Variants in SNX29 observed in about 807,000 individuals in gnomAD.
SNX29 encodes sorting nexin 29.
Under a neutral mutation model 102.1 loss-of-function variants are expected in SNX29, and 78 were observed. The observed-to-expected ratio is 0.76, with a 90% confidence interval of 0.64 to 0.92. The LOEUF (loss-of-function observed/expected upper bound fraction) is 0.92, where lower values mean the gene tolerates loss of function less well. Ranked by LOEUF, SNX29 falls within the 40% of genes least tolerant of loss-of-function variation. The pLI is 0.00. For synonymous variants in SNX29, 580 were observed against 414.5 expected, an observed-to-expected ratio of 1.40 and a Z score of -4.85; for missense variants, 1,280 against 1,061.7, an observed-to-expected ratio of 1.21 and a Z score of -2.86.
chr16:12,025,572 G>A (rs751039894), intron 3 of SNX29, among the ~76,000 whole-genome samples: 1 of 152,190 alleles, frequency 6.6e-6, no homozygotes, highest in South Asian at 2.1e-4. Context: ...TGGTTGAGGG[G>A]AAGTATTAGA....
At chr16:12,146,299 C>T (rs973625455) in intron 13 of SNX29, among the ~76,000 whole-genome samples, 1 of 151,746 alleles carries the variant, frequency 6.6e-6, no homozygotes, top group Non-Finnish European at 1.5e-5. Flanking sequence ...AGAGTGTTTC[C>T]CTCTTGCCCA....
intron 1 of SNX29, among the ~76,000 whole-genome samples, chr16:11,992,723 A>T (rs1298156008): frequency 6.6e-6 from 1 of 152,188 alleles, no homozygotes; most frequent in East Asian, 1.9e-4. Flanking sequence ...AATTCCTCGC[A>T]CACAGTGGGC....
rs535671102 is a variant in SNX29, at chr16:12,466,499, T to C, written c.2038-11220T>C. On this transcript the variant is annotated intron_variant, in intron 18 of 20. Coordinates refer to ENST00000566228, the MANE Select transcript of SNX29 (RefSeq NM_032167.5). ...CAGCAGGGGGACAACTTTTAGTGGC[T>C]ACTACCAGATGAACCTGCCGTCAGA... Among the ~76,000 whole-genome samples the C allele has an allele frequency of 3.9e-5, 6 of 152,348 alleles. No individual in the cohort carries two copies. In the South Asian group the frequency reaches 1.2e-3, roughly 32 times the overall value.
intron 14 of SNX29, among the ~76,000 whole-genome samples, chr16:12,252,814 C>T (rs2078460602): frequency 6.6e-6 from 1 of 152,236 alleles, no homozygotes; most frequent in Admixed American, 6.5e-5. Context: ...GGGCCGCCAG[C>T]TGTGTCTCCA....
chr16:12,059,157 A>AGGCC (rs1156485430), intron 8 of SNX29, among the ~76,000 whole-genome samples: 2 of 152,042 alleles, frequency 1.3e-5, no homozygotes, highest in African/African-American at 4.8e-5. Flanking sequence ...GCCTGGCTTC[A>AGGCC]CCTTGTACTT....
chr16:12,231,908 T>A (rs2077781781), intron 14 of SNX29, among the ~76,000 whole-genome samples: 1 of 152,236 alleles, frequency 6.6e-6, no homozygotes, highest in South Asian at 2.1e-4. Flanking sequence ...TTGAATTTCT[T>A]TTTGGTGAAT....
At chr16:12,515,583 G>A in intron 19 of SNX29, 1 of 490,798 alleles carries the variant, frequency 2.0e-6, no homozygotes, top group Non-Finnish European at 4.0e-6. Flanking sequence ...TGCCTCCTCT[G>A]AATCTTCAGG....
At chr16:12,193,432 G>A (rs1246254224) in intron 13 of SNX29, among the ~76,000 whole-genome samples, 1 of 143,682 alleles carries the variant, frequency 7.0e-6, no homozygotes, top group Non-Finnish European at 1.5e-5. Context: ...TCGCACCACT[G>A]CACTCCAGCC....
intron 20 of SNX29, among the ~76,000 whole-genome samples, chr16:12,554,675 T>TGCC (rs1390100074): frequency 3.9e-5 from 6 of 152,206 alleles, no homozygotes; most frequent in African/African-American, 1.4e-4. Context: ...ACCACAGGGA[T>TGCC]GCCAATTCTC....
chr16:12,558,922 A>AT (rs1317029192), intron 20 of SNX29, among the ~76,000 whole-genome samples: 3 of 152,174 alleles, frequency 2.0e-5, no homozygotes, highest in African/African-American at 7.2e-5. Flanking sequence ...GTCTTGTTTA[A>AT]TCTCATAGGT....
At chr16:12,013,829 T>G (rs2056759771) in intron 3 of SNX29, among the ~76,000 whole-genome samples, 1 of 122,416 alleles carries the variant, frequency 8.2e-6, no homozygotes, top group African/African-American at 2.8e-5. Context: ...TGTTTTGTAT[T>G]TTAGTAGAGA....
At chr16:12,118,925 A>G (rs373396201) in intron 11 of SNX29, among the ~76,000 whole-genome samples, 25 of 152,128 alleles carry the variant, frequency 1.6e-4, no homozygotes, top group East Asian at 5.8e-4. Context: ...TCTGACATTC[A>G]CTGATGTGGG....
chr16:12,265,500 C>G (rs1284955281), intron 14 of SNX29, among the ~76,000 whole-genome samples: 1 of 152,058 alleles, frequency 6.6e-6, no homozygotes, highest in Non-Finnish European at 1.5e-5. Context: ...AGACATGAAA[C>G]TTAATGGACA....
At chr16:12,127,957 G>C (rs113143510) in intron 12 of SNX29, among the ~76,000 whole-genome samples, 1 of 152,076 alleles carries the variant, frequency 6.6e-6, no homozygotes, top group Non-Finnish European at 1.5e-5. Flanking sequence ...GGAGAGGGGG[G>C]TGTGTGTTCA....
At chr16:12,556,463 G>A (rs1248887492) in intron 20 of SNX29, 3 of 152,264 alleles carry the variant, frequency 2.0e-5, no homozygotes, top group Admixed American at 6.5e-5. Flanking sequence ...CTTAGGCGAA[G>A]GCCAAAAGCA....
At chr16:12,188,420 G>C (rs537486277) in intron 13 of SNX29, among the ~76,000 whole-genome samples, 2 of 152,324 alleles carry the variant, frequency 1.3e-5, no homozygotes, top group Non-Finnish European at 2.9e-5. Context: ...GTGCTGAAAT[G>C]AGCTGCCTTC....
chr16:12,028,527 C>A (rs1252338831), intron 4 of SNX29, among the ~76,000 whole-genome samples: 1 of 151,950 alleles, frequency 6.6e-6, no homozygotes, highest in Non-Finnish European at 1.5e-5. Flanking sequence ...CCATGCCCGG[C>A]TGGTTTTTAA....
At position 12,250,305 on chromosome 16, in the gene SNX29, C is replaced by G. The variant is rs543710374; in HGVS notation, c.1679-27628C>G. ...TGGGGAGCCAAAATATATAGTGGTCCTTTTGCAATTTTCAGTCTGTAGAAA... is the reference window on the plus strand; with the variant it reads ...TGGGGAGCCAAAATATATAGTGGTCGTTTTGCAATTTTCAGTCTGTAGAAA... On this transcript the variant is annotated intron_variant, in intron 14 of 20. Coordinates refer to ENST00000566228, the MANE Select transcript of SNX29 (RefSeq NM_032167.5). Among the ~76,000 whole-genome samples the G allele has an allele frequency of 3.9e-5, 6 of 152,286 alleles. No individual in the cohort carries two copies. In the South Asian group the frequency reaches 1.0e-3, roughly 26 times the overall value.
intron 15 of SNX29, among the ~76,000 whole-genome samples, chr16:12,333,011 G>C (rs1427489260): frequency 6.6e-6 from 1 of 152,110 alleles, no homozygotes; most frequent in Non-Finnish European, 1.5e-5. Context: ...AATGGAAGAA[G>C]GGAGGAAAGA....
Sources: allele counts gnomAD v4.1 joint callset (sites outside exome capture counted in the v4.1 genomes callset), GRCh38; gene constraint gnomAD v4.1.1; transcripts MANE v1.5; gene names NCBI Gene and HGNC (gene_info 2026-07-23, HGNC 2026-07-21).